IL1RAPL2: variants seen among roughly 807,000 people sequenced by gnomAD.
IL1RAPL2 encodes X-linked interleukin-1 receptor accessory protein-like 2.
A neutral mutation model predicts 44.1 loss-of-function variants in IL1RAPL2; 3 were observed. The observed-to-expected ratio is 0.07, with a 90% CI of 0.03 to 0.18. IL1RAPL2 has a LOEUF of 0.18. Among genes scored for constraint, IL1RAPL2 ranks in the 10% least tolerant of loss-of-function variants. The pLI is 1.00. For synonymous variants in IL1RAPL2, 181 were observed against 178.8 expected, an observed-to-expected ratio of 1.01 and a Z score of -0.10; for missense variants, 391 against 496.4, an observed-to-expected ratio of 0.79 and a Z score of 2.02.
At chrX:104,855,346 G>A (rs1394362093) in intron 2 of IL1RAPL2, among the ~76,000 whole-genome samples, 1 of 111,167 alleles carries the variant, frequency 9.0e-6, no homozygotes, top group African/African-American at 3.3e-5. Context: ...AATGAGCTAG[G>A]GATCAAGAAC....
chrX:104,945,581 G>A (rs753507474), intron 2 of IL1RAPL2, among the ~76,000 whole-genome samples: 5 of 111,766 alleles, frequency 4.5e-5, no homozygotes, highest in Non-Finnish European at 9.4e-5. Context: ...TTGGAAATAA[G>A]AATCATAGGG....
At chrX:105,694,002 G>A (rs1377848705) in intron 6 of IL1RAPL2, among the ~76,000 whole-genome samples, 1 of 111,976 alleles carries the variant, frequency 8.9e-6, no homozygotes, top group Non-Finnish European at 1.9e-5. Flanking sequence ...ATAAATTTGT[G>A]TTATTTTAAC....
At position 105,402,673 on chromosome X, in the gene IL1RAPL2, C is replaced by T. The variant is rs2035614469; in HGVS notation, c.698-81640C>T. 6.3e-5 allele frequency among the ~76,000 whole-genome samples: 7 copies of T among 111,390 alleles called. No individual in the cohort carries two copies. The Admixed American group carries it at 6.7e-4, about 11-fold the overall frequency. On this transcript the variant is annotated intron_variant, in intron 5 of 10. Transcript: ENST00000372582. ...ATCTTGTACAGATTCCAGTTCTGAA[C>T]ATATGTCTCATACTCTATGTGCTCA...
chrX:105,093,524 G>T (rs116037887), intron 2 of IL1RAPL2, among the ~76,000 whole-genome samples: 5,103 of 111,253 alleles, frequency 0.046, 270 homozygotes, highest in African/African-American at 0.16. Context: ...AAGAAAGGAA[G>T]GAGGGATACT....
chrX:105,482,531 T>C (rs1029799447), intron 5 of IL1RAPL2, among the ~76,000 whole-genome samples: 2 of 111,939 alleles, frequency 1.8e-5, no homozygotes, highest in East Asian at 2.8e-4. Flanking sequence ...ATTTTTCCAC[T>C]TCAGGCAGCT....
In IL1RAPL2 at chrX:104,778,741, A is replaced by G. The variant is rs1032634077; in HGVS notation, c.82+119746A>G. ...ATATATATATAATTTTTACCAGCCA[A>G]TTAAAATGGATTTTTACTTACTAAG... is the stretch of plus-strand genomic sequence containing the variant. On this transcript the variant is annotated intron_variant, in intron 2 of 10. Transcript: ENST00000372582. Among the ~76,000 whole-genome samples, 6 of 109,469 alleles carry G rather than the reference A, an allele frequency of 5.5e-5. No homozygotes were observed. The Admixed American group carries it at 6.0e-4, about 11-fold the overall frequency.
At chrX:104,748,512 C>G (rs1932210293) in intron 2 of IL1RAPL2, among the ~76,000 whole-genome samples, 1 of 111,106 alleles carries the variant, frequency 9.0e-6, no homozygotes, top group Non-Finnish European at 1.9e-5. Flanking sequence ...GTGACACTGC[C>G]AGTTTCTGAA....
At chrX:104,666,796 A>AAT (rs1930494924) in intron 2 of IL1RAPL2, among the ~76,000 whole-genome samples, 1 of 111,504 alleles carries the variant, frequency 9.0e-6, no homozygotes, top group Non-Finnish European at 1.9e-5. Flanking sequence ...GCACACCCTT[A>AAT]ATGCCTACTG....
intron 1 of IL1RAPL2, among the ~76,000 whole-genome samples, chrX:104,616,033 G>T (rs778562362): frequency 9.1e-6 from 1 of 109,894 alleles, no homozygotes; most frequent in East Asian, 2.8e-4. Context: ...CTTCTTTTGA[G>T]AAATGTCTGT....
In IL1RAPL2 at chrX:104,674,951, T is replaced by G. The variant is rs762556536; in HGVS notation, c.82+15956T>G. Among the ~76,000 whole-genome samples, 6 of 111,621 alleles carry G rather than the reference T, an allele frequency of 5.4e-5. No homozygotes were observed. In the South Asian group the frequency reaches 2.3e-3, roughly 42 times the overall value. The stretch of plus-strand genomic sequence containing the variant: ...TGTGGGATCGGTGGTGATATCCCCT[T>G]TATAATTTTTTATTGCGTCTATTTG... On this transcript the variant is annotated intron_variant, in intron 2 of 10. Coordinates refer to ENST00000372582, the MANE Select transcript of IL1RAPL2 (RefSeq NM_017416.2).
chrX:105,516,941 A>C (rs2036519145), intron 6 of IL1RAPL2, among the ~76,000 whole-genome samples: 1 of 111,860 alleles, frequency 8.9e-6, no homozygotes, highest in Admixed American at 9.5e-5. Context: ...AGGACTGAAC[A>C]GGAGTGAAGG....
rs1423594575 is a variant in IL1RAPL2 at position 104,906,931 on chromosome X, C to T, written c.82+247936C>T. 4.5e-5 allele frequency among the ~76,000 whole-genome samples: 5 copies of T among 111,607 alleles called. No homozygotes were observed. In the South Asian group the frequency reaches 1.1e-3, roughly 25 times the overall value. ...AATTCGGCTGTGAATCCTTCTGGTC[C>T]TGGACTCTTTTTGGTTGGTAAGCTA... is the stretch of plus-strand genomic sequence containing the variant. On this transcript the variant is annotated intron_variant, in intron 2 of 10. Transcript: ENST00000372582.
At chrX:104,658,857 G>C in intron 1 of IL1RAPL2, 38 bp from the exon 2 acceptor site, 1 of 933,853 alleles carries the variant, frequency 1.1e-6, no homozygotes. Flanking sequence ...GCCAAGATCT[G>C]TGGTTCAAAC....
intron 6 of IL1RAPL2, among the ~76,000 whole-genome samples, chrX:105,625,808 GA>G (rs199914562): frequency 9.6e-6 from 1 of 104,044 alleles, no homozygotes; most frequent in South Asian, 4.2e-4. Flanking sequence ...GGAAGAATTA[GA>G]AAAAAAAAAA....
intron 6 of IL1RAPL2, among the ~76,000 whole-genome samples, chrX:105,577,048 T>C (rs1030001849): frequency 2.2e-4 from 25 of 111,427 alleles, no homozygotes; most frequent in African/African-American, 7.8e-4. Context: ...TAGGACTTTT[T>C]CCCACAATTA....
intron 1 of IL1RAPL2, among the ~76,000 whole-genome samples, chrX:104,639,838 G>A (rs767592508): frequency 5.4e-5 from 6 of 111,513 alleles, no homozygotes; most frequent in East Asian, 5.7e-4. Context: ...CATCCCATTC[G>A]CTAAATCTGC....
At chrX:105,643,826 T>C (rs1045889773) in intron 6 of IL1RAPL2, among the ~76,000 whole-genome samples, 17 of 112,412 alleles carry the variant, frequency 1.5e-4, no homozygotes, top group African/African-American at 5.5e-4. Context: ...ATGACTTGTC[T>C]GTCTCATATT....
chrX:105,039,042 T>C (rs73518248), intron 2 of IL1RAPL2, among the ~76,000 whole-genome samples: 2,185 of 111,560 alleles, frequency 0.02, 59 homozygotes, highest in African/African-American at 0.067. Flanking sequence ...AATTAGGAAA[T>C]GGACTTTCTC....
chrX:105,689,886 C>A (rs892058033), intron 6 of IL1RAPL2, among the ~76,000 whole-genome samples: 1 of 111,680 alleles, frequency 9.0e-6, no homozygotes, highest in South Asian at 3.8e-4. Flanking sequence ...TATTATGCAG[C>A]CATAAAAAGG....
Sources: gnomAD v4.1 joint callset for allele counts (sites outside exome capture counted in the v4.1 genomes callset) on GRCh38, gnomAD v4.1.1 for gene constraint, MANE v1.5 for transcripts, NCBI Gene and HGNC (gene_info 2026-07-23, HGNC 2026-07-21) for gene names.